Variants in ZNF521 observed in about 807,000 individuals in gnomAD.
ZNF521 encodes the protein zinc finger protein 521.
A neutral mutation model predicts 105.5 loss-of-function variants in ZNF521; 14 were observed. The ratio of observed to expected loss-of-function variants is 0.13; its 90% confidence interval spans 0.09 to 0.21. The LOEUF is 0.21. ZNF521 is among the 10% of genes least tolerant of loss of function. ZNF521 has a pLI of 1.00. For missense variants in ZNF521, 1,233 were observed against 1,629.7 expected, an observed-to-expected ratio of 0.76 and a Z score of 4.19; for synonymous variants, 635 against 606.0, an observed-to-expected ratio of 1.05 and a Z score of -0.70.
intron 5 of ZNF521, among the ~76,000 whole-genome samples, chr18:25,143,086 T>C (rs998971959): frequency 6.6e-6 from 1 of 152,188 alleles, no homozygotes; most frequent in Non-Finnish European, 1.5e-5. Flanking sequence ...AATAAGCATC[T>C]GATGCTCCGC....
At chr18:25,200,268 C>T (rs958217595) in intron 4 of ZNF521, among the ~76,000 whole-genome samples, 3 of 152,162 alleles carry the variant, frequency 2.0e-5, no homozygotes, top group African/African-American at 7.2e-5. Flanking sequence ...AGCGAAGGAA[C>T]TGTCGGTAGC....
chr18:25,098,062 T>A (rs116349173), intron 5 of ZNF521, among the ~76,000 whole-genome samples: 1 of 112,164 alleles, frequency 8.9e-6, no homozygotes, highest in African/African-American at 3.4e-5. Flanking sequence ...AGGCAGGCAG[T>A]GGGATTTTAG....
At position 25,226,874 on chromosome 18, in the gene ZNF521, C is replaced by A. The variant is rs61762981; in HGVS notation, c.1044G>T (p.Thr348=). The A allele has an allele frequency of 6.2e-7, 1 of 1,613,788 alleles. No homozygotes were observed. Among genetic ancestry groups the A allele is most frequent in the Admixed American group, 1.7e-5 (1 of 59,990 alleles). Reference sequence around the variant, plus strand: ...TACTGGACACGGAGGTATAGCCCACCGTGACCAGGGAAGGGCTGTTGCTGT... The same window carrying A: ...TACTGGACACGGAGGTATAGCCCACAGTGACCAGGGAAGGGCTGTTGCTGT... ...CNHSNSPSLV[T]VGYTSVSSTT... The change falls in exon 4 of 8, where the codon ACG becomes ACT. Residue 348 remains threonine (T), a synonymous_variant. Coordinates refer to ENST00000361524, the MANE Select transcript of ZNF521 (RefSeq NM_015461.3). This position sits in a 1 kb window ranked among gnomAD's most constrained non-coding sequence, Gnocchi z 4.1.
intron 3 of ZNF521, among the ~76,000 whole-genome samples, chr18:25,291,180 G>GAA (rs1910999025): frequency 6.6e-6 from 1 of 152,078 alleles, no homozygotes; most frequent in African/African-American, 2.4e-5. Context: ...AATAATGCAC[G>GAA]AGTGAAATTC....
chr18:25,335,007 A>G (rs941802994), intron 2 of ZNF521, among the ~76,000 whole-genome samples: 2 of 152,210 alleles, frequency 1.3e-5, no homozygotes, highest in Non-Finnish European at 2.9e-5. Context: ...AATAGTGTGC[A>G]GGATTCAAAC....
intron 5 of ZNF521, among the ~76,000 whole-genome samples, chr18:25,101,592 G>T (rs1434179023): frequency 1.3e-5 from 2 of 152,154 alleles, no homozygotes; most frequent in African/African-American, 4.8e-5. Context: ...GAGGAGAAAA[G>T]AAAAGGTATT....
At chr18:25,186,497 G>A (rs774430755) in intron 5 of ZNF521, among the ~76,000 whole-genome samples, 1 of 152,160 alleles carries the variant, frequency 6.6e-6, no homozygotes, top group Non-Finnish European at 1.5e-5. Flanking sequence ...TCTGATGACG[G>A]CTTGAATTAA....
rs546781153 is a variant in ZNF521 at position 25,323,538 on chromosome 18, C to G, written c.41-1351G>C. On this transcript the variant is annotated intron_variant, in intron 2 of 7. Coordinates refer to ENST00000361524, the MANE Select transcript of ZNF521 (RefSeq NM_015461.3). The stretch of plus-strand genomic sequence containing the variant: ...CTCACTGCAGCCTCCAACTCCTGGC[C>G]TCAAGCAATCCTCCTGCCTCAGCCT... Among the ~76,000 whole-genome samples, 48 of 152,194 alleles carry G rather than the reference C, an allele frequency of 3.2e-4. 1 individual carries two copies. The highest frequency in any genetic ancestry group is 6.8e-3 in the Middle Eastern group (2 of 294).
At chr18:25,260,973 G>A (rs75024549) in intron 3 of ZNF521, among the ~76,000 whole-genome samples, 6,262 of 152,190 alleles carry the variant, frequency 0.041, 175 homozygotes, top group Non-Finnish European at 0.062. Context: ...ACGAAAACCT[G>A]GAAACCTTTT....
intron 3 of ZNF521, among the ~76,000 whole-genome samples, chr18:25,293,331 C>T (rs778889761): frequency 1.3e-5 from 2 of 148,226 alleles, no homozygotes; most frequent in Non-Finnish European, 3.0e-5. Context: ...AACAGATTTT[C>T]TTGCTTGCAC....
rs571186412 is a variant in ZNF521 at position 25,282,948 on chromosome 18, G to GT, written c.220+39059dup. ...AATTTTTAGGGAGCCAGATTCAAGT[G>GT]TTTCAGTGAATCCTTAAAGTGCTTA... On this transcript the variant is annotated intron_variant, in intron 3 of 7. Transcript: ENST00000361524. 1.8e-3 allele frequency among the ~76,000 whole-genome samples: 278 copies of GT among 152,320 alleles called. 1 individual carries two copies. Among genetic ancestry groups the GT allele is most frequent in the Non-Finnish European group, 3.3e-3 (226 of 68,026 alleles).
intron 3 of ZNF521, among the ~76,000 whole-genome samples, chr18:25,319,250 T>TAA (rs1912804229): frequency 6.6e-6 from 1 of 152,062 alleles, no homozygotes; most frequent in Non-Finnish European, 1.5e-5. Flanking sequence ...AGAAAGAATA[T>TAA]AACAGTAGGC....
chr18:25,329,581 C>T (rs1913430637), intron 2 of ZNF521, among the ~76,000 whole-genome samples: 1 of 152,110 alleles, frequency 6.6e-6, no homozygotes, highest in African/African-American at 2.4e-5. Context: ...AATGCAAGTA[C>T]CTGTGTTGCT....
chr18:25,121,269 CTTCCTT>C (rs1490028301), intron 5 of ZNF521, among the ~76,000 whole-genome samples: 6 of 130,592 alleles, frequency 4.6e-5, no homozygotes, highest in Non-Finnish European at 9.9e-5. Context: ...TCTTCTTCTT[CTTCCTT>C]TTTTTTTTTT....
chr18:25,348,714 G>A (rs936290659), intron 2 of ZNF521, among the ~76,000 whole-genome samples: 12 of 151,858 alleles, frequency 7.9e-5, no homozygotes, highest in African/African-American at 2.9e-4. Context: ...TGTCTTTGTG[G>A]GGAAGATATT....
chr18:25,153,763 CT>C (rs1021218721), intron 5 of ZNF521, among the ~76,000 whole-genome samples: 2 of 151,724 alleles, frequency 1.3e-5, no homozygotes, highest in African/African-American at 4.8e-5. Flanking sequence ...AGCATGATTG[CT>C]TTTTTTTTCT....
chr18:25,110,233 A>G (rs1272900302), intron 5 of ZNF521, among the ~76,000 whole-genome samples: 1 of 152,184 alleles, frequency 6.6e-6, no homozygotes, highest in Non-Finnish European at 1.5e-5. Flanking sequence ...TCTGGGAGGT[A>G]AAACTGAGGC....
chr18:25,174,774 T>C (rs1303772167), intron 5 of ZNF521, among the ~76,000 whole-genome samples: 1 of 152,182 alleles, frequency 6.6e-6, no homozygotes, highest in African/African-American at 2.4e-5. Flanking sequence ...CTGACCCCCA[T>C]GCAAATTTAA....
intron 6 of ZNF521, 75 bp from the exon 7 acceptor site, chr18:25,089,655 C>A: frequency 4.2e-6 from 5 of 1,204,012 alleles, no homozygotes; most frequent in Non-Finnish European, 6.1e-6. Flanking sequence ...TCTGCATGAA[C>A]AGACAGCAGG....
Sources: gnomAD v4.1 joint callset for allele counts (sites outside exome capture counted in the v4.1 genomes callset) on GRCh38, gnomAD v4.1.1 for gene constraint, Gnocchi (gnomAD v3.1) non-coding constraint, MANE v1.5 for transcripts, NCBI Gene and HGNC (gene_info 2026-07-23, HGNC 2026-07-21) for gene names.